Variants in TAFA4 observed in about 807,000 individuals in gnomAD.
TAFA4 encodes the protein TAFA chemokine like family member 4, also known as chemokine-like protein TAFA-4.
Under a neutral mutation model 21.1 loss-of-function variants are expected in TAFA4, and 20 were observed. That is an observed-to-expected ratio of 0.95 (90% CI 0.67 to 1.38). The LOEUF (loss-of-function observed/expected upper bound fraction) is 1.38, where lower values mean the gene tolerates loss of function less well. TAFA4 is among the 40% of genes most tolerant of loss of function. The probability of loss-of-function intolerance (pLI) is 0.00; values close to 1 mark genes in which losing one functional copy is unlikely to be tolerated. For synonymous variants in TAFA4, 71 were observed against 67.4 expected, an observed-to-expected ratio of 1.05 and a Z score of -0.26; for missense variants, 211 against 180.9, an observed-to-expected ratio of 1.17 and a Z score of -0.95.
intron 3 of TAFA4, among the ~76,000 whole-genome samples, chr3:68,851,804 G>A (rs1231567056): frequency 6.6e-6 from 1 of 152,188 alleles, no homozygotes; most frequent in Non-Finnish European, 1.5e-5. Flanking sequence ...AAATGGGAGA[G>A]AGATCAATGA....
At chr3:68,927,653 C>A (rs1575677642) in intron 1 of TAFA4, among the ~76,000 whole-genome samples, 1 of 152,238 alleles carries the variant, frequency 6.6e-6, no homozygotes, top group Non-Finnish European at 1.5e-5. Context: ...AGTGTCAACA[C>A]TTTGAGAGGC....
At chr3:68,831,221 C>G (rs1469660107) in intron 3 of TAFA4, among the ~76,000 whole-genome samples, 4 of 152,108 alleles carry the variant, frequency 2.6e-5, no homozygotes, top group African/African-American at 7.2e-5. Context: ...TGAATTTGAT[C>G]CTGTCATTAT....
intron 3 of TAFA4, among the ~76,000 whole-genome samples, chr3:68,797,160 AG>A (rs985052688): frequency 7.2e-5 from 11 of 152,212 alleles, no homozygotes; most frequent in Non-Finnish European, 1.3e-4. Flanking sequence ...TATATCCAAA[AG>A]AATTGAAGTC....
At chr3:68,800,945 G>A (rs1236456906) in intron 3 of TAFA4, among the ~76,000 whole-genome samples, 1 of 152,158 alleles carries the variant, frequency 6.6e-6, no homozygotes, top group African/African-American at 2.4e-5. Context: ...GTGGGCAAGA[G>A]GCAGGAATTT....
intron 1 of TAFA4, among the ~76,000 whole-genome samples, chr3:68,904,509 A>C (rs755699548): frequency 6.6e-6 from 1 of 152,242 alleles, no homozygotes; most frequent in Non-Finnish European, 1.5e-5. Context: ...AAGTTTCCCA[A>C]TTTATATTGC....
Position 68,735,684 on chromosome 3 carries a change from C to T in TAFA4, c.412-2531G>A, listed in dbSNP as rs116628692. Among the ~76,000 whole-genome samples, 1,301 of 152,002 alleles carry T rather than the reference C, an allele frequency of 8.6e-3. 13 individuals are homozygous for T. The highest frequency in any genetic ancestry group is 0.014 in the Non-Finnish European group (974 of 67,956). On this transcript the variant is annotated intron_variant, in intron 5 of 5. Coordinates refer to ENST00000295569, the MANE Select transcript of TAFA4 (RefSeq NM_182522.5). ...GATACTGAAGACAAAACTGTTGCTTCCATTCTGTACAAATTTTCCAATATG... is the reference window on the plus strand; with the variant it reads ...GATACTGAAGACAAAACTGTTGCTTTCATTCTGTACAAATTTTCCAATATG...
At chr3:68,899,611 G>A (rs17048129) in intron 1 of TAFA4, among the ~76,000 whole-genome samples, 19,731 of 152,006 alleles carry the variant, frequency 0.13, 1,894 homozygotes, top group East Asian at 0.35. Flanking sequence ...AGTTTCAAAC[G>A]CAAATTCACT....
chr3:68,896,146 G>A lies in TAFA4; in HGVS notation c.-122-10836C>T, dbSNP rs148114512. 1.8e-4 allele frequency among the ~76,000 whole-genome samples: 28 copies of A among 152,318 alleles called. No individual in the cohort carries two copies. The East Asian group carries it at 5.0e-3, about 27-fold the overall frequency. On this transcript the variant is annotated intron_variant, in intron 1 of 5. Transcript: ENST00000295569. Reference sequence around the variant, plus strand: ...AAAGAGAGGTAGGAGGTAATGTTAGGTAGCAGGTGATGGCAGAGAGGTATC... The same window carrying A: ...AAAGAGAGGTAGGAGGTAATGTTAGATAGCAGGTGATGGCAGAGAGGTATC...
In TAFA4 at chr3:68,752,993, G is replaced by T. The variant is rs1466609985; in HGVS notation, c.156C>A (p.Thr52=). The T allele has an allele frequency of 1.2e-6, 2 of 1,613,776 alleles. No individual in the cohort carries two copies. The highest frequency in any genetic ancestry group is 1.7e-6 in the Non-Finnish European group (2 of 1,179,940). Residue 52 remains threonine, a synonymous_variant, in exon 4 of 6, where the codon ACC becomes ACA. Coordinates refer to ENST00000295569, the MANE Select transcript of TAFA4 (RefSeq NM_182522.5). ...HAGHHQIKQG[T]CEVVAVHRCC... The stretch of plus-strand genomic sequence containing the variant: ...ACCTGTGCACGGCGACCACCTCACA[G>T]GTCCCTTGCTTGATTTGGTGGTGAC...
intron 3 of TAFA4, among the ~76,000 whole-genome samples, chr3:68,853,259 T>C (rs1473760998): frequency 1.3e-5 from 2 of 152,174 alleles, no homozygotes; most frequent in Non-Finnish European, 2.9e-5. Flanking sequence ...TCTGCTAGTA[T>C]TCTAAAAATA....
intron 1 of TAFA4, among the ~76,000 whole-genome samples, chr3:68,906,133 G>C (rs2089898514): frequency 6.6e-6 from 1 of 152,246 alleles, no homozygotes; most frequent in African/African-American, 2.4e-5. Flanking sequence ...GGTCAGATGT[G>C]GAAGTAGGAT....
intron 3 of TAFA4, among the ~76,000 whole-genome samples, chr3:68,848,618 T>C (rs1704867921): frequency 6.6e-6 from 1 of 152,206 alleles, no homozygotes; most frequent in African/African-American, 2.4e-5. Flanking sequence ...TGGACAAGCA[T>C]ATTTAATATC....
At chr3:68,857,342 C>T (rs917781634) in intron 3 of TAFA4, among the ~76,000 whole-genome samples, 1 of 152,082 alleles carries the variant, frequency 6.6e-6, no homozygotes, top group Non-Finnish European at 1.5e-5. Flanking sequence ...GTACATTAAG[C>T]ACACATGGAG....
At chr3:68,836,272 C>T (rs1704521258) in intron 3 of TAFA4, among the ~76,000 whole-genome samples, 1 of 152,240 alleles carries the variant, frequency 6.6e-6, no homozygotes, top group Non-Finnish European at 1.5e-5. Context: ...TTCCGCCTGT[C>T]ACCAGGATTG....
At chr3:68,796,910 T>G (rs1293216904) in intron 3 of TAFA4, among the ~76,000 whole-genome samples, 4 of 152,082 alleles carry the variant, frequency 2.6e-5, no homozygotes, top group Admixed American at 6.6e-5. Flanking sequence ...ACAAGGGAAA[T>G]GCAAGGCAAT....
chr3:68,836,198 G>A (rs1178674889), intron 3 of TAFA4, among the ~76,000 whole-genome samples: 1 of 152,156 alleles, frequency 6.6e-6, no homozygotes, highest in Non-Finnish European at 1.5e-5. Context: ...TGTTTTGGAG[G>A]AACTCCCCAT....
At chr3:68,923,421 A>G (rs190269905) in intron 1 of TAFA4, among the ~76,000 whole-genome samples, 2 of 152,248 alleles carry the variant, frequency 1.3e-5, no homozygotes, top group East Asian at 3.9e-4. Context: ...CAAAAATGCA[A>G]TCATCAGTCA....
intron 1 of TAFA4, among the ~76,000 whole-genome samples, chr3:68,906,417 C>T (rs1373155779): frequency 1.3e-5 from 2 of 152,182 alleles, no homozygotes; most frequent in Non-Finnish European, 2.9e-5. Context: ...TTATTTAGCA[C>T]TAACGATGTA....
At chr3:68,882,886 A>G (rs1283878311) in intron 2 of TAFA4, 1 of 152,258 alleles carries the variant, frequency 6.6e-6, no homozygotes, top group East Asian at 1.9e-4. Flanking sequence ...TTCAAAGCAG[A>G]GAGGCTCCAT....
Sources: allele counts gnomAD v4.1 joint callset (sites outside exome capture counted in the v4.1 genomes callset), GRCh38; gene constraint gnomAD v4.1.1; transcripts MANE v1.5; gene names NCBI Gene and HGNC (gene_info 2026-07-23, HGNC 2026-07-21).